Variants in CCDC8 observed in about 807,000 individuals in gnomAD.
The protein encoded by CCDC8 is coiled-coil domain containing 8 subunit of 3M complex, also known as coiled-coil domain-containing protein 8.
Under a neutral mutation model 5.2 loss-of-function variants are expected in CCDC8, and 6 were observed. That is an observed-to-expected ratio of 1.16 (90% CI 0.63 to 2.28). CCDC8 has a LOEUF of 2.28. CCDC8 is among the 30% of genes most tolerant of loss of function. CCDC8 has a pLI of 0.00. For synonymous variants in CCDC8, 310 were observed against 286.5 expected (o/e 1.08, Z -0.83); for missense variants, 724 against 712.2 (o/e 1.02, Z -0.19).
chr19:46,411,567 T>C lies in CCDC8; in HGVS notation c.1244A>G (p.Gln415Arg), dbSNP rs1973228838. 8 of 1,613,492 alleles carry C rather than the reference T, an allele frequency of 5.0e-6. No homozygotes were observed. Among genetic ancestry groups the C allele is most frequent in the Non-Finnish European group, 6.8e-6 (8 of 1,179,914 alleles). Reference sequence around the variant, plus strand: ...CTGGACAGCTGGGGCCCTTTCCCTCTGGTCATGTACGGCCTCTTCCCTTTG... The same window carrying C: ...CTGGACAGCTGGGGCCCTTTCCCTCCGGTCATGTACGGCCTCTTCCCTTTG... ...DNQREEAVHDQRERAPAVQGA... is the reference protein window; with the variant it reads ...DNQREEAVHDRRERAPAVQGA... The change falls in exon 1 of 1, where the codon CAG (glutamine) becomes CGG (arginine). Residue 415 changes from glutamine (Q) to arginine (R), a missense_variant. Transcript: ENST00000307522.
Position 46,411,208 on chromosome 19 carries a change from C to T in CCDC8, c.1603G>A (p.Glu535Lys). 1 of 1,614,134 alleles carries T rather than the reference C, an allele frequency of 6.2e-7. No individual in the cohort carries two copies. Among genetic ancestry groups the T allele is most frequent in the Non-Finnish European group, 8.5e-7 (1 of 1,180,038 alleles). The part of the protein sequence containing the change: ...ARAEAEQGEQ[E>K]DQL ...TAGCCCTCACCTCACAGCTGGTCTT[C>T]TTGCTCTCCCTGCTCAGCTTCTGCT... The change falls in exon 1 of 1, where the codon GAA (glutamate) becomes AAA (lysine). Residue 535 changes from glutamate to lysine, a missense_variant. By Grantham distance (56) the Glu-to-Lys change is moderately conservative. Coordinates refer to ENST00000307522, the MANE Select transcript of CCDC8 (RefSeq NM_032040.5).
chr19:46,412,476 G>T lies in CCDC8; in HGVS notation c.335C>A (p.Thr112Asn), dbSNP rs751418638. 1 of 1,609,444 alleles carries T rather than the reference G, an allele frequency of 6.2e-7. No homozygotes were observed. Among genetic ancestry groups the T allele is most frequent in the South Asian group, 1.1e-5 (1 of 91,070 alleles). The change falls in exon 1 of 1, where the codon ACC becomes AAC. Residue 112 changes from threonine to asparagine, a missense_variant. Thr to Asn is a moderately conservative substitution (Grantham distance 65). Coordinates refer to ENST00000307522, the MANE Select transcript of CCDC8 (RefSeq NM_032040.5). This position sits in a 1 kb window ranked among gnomAD's most constrained non-coding sequence, Gnocchi z 4.7. Reference sequence around the variant, plus strand: ...GCCCTGGCGGCTCTTGTCTCTGGAGGTCTCGAAGTCGCTGAACTCGCTGTC... The same window carrying T: ...GCCCTGGCGGCTCTTGTCTCTGGAGTTCTCGAAGTCGCTGAACTCGCTGTC... ...ASDSEFSDFE[T>N]SRDKSRQGPR...
rs1035071729 is a variant in CCDC8, at chr19:46,411,096, G to A, written c.*98C>T. ...ATAAAGAGGGTTGTTAGGTGGAGAC[G>A]TGGCCAGCACTCCACCTCCACTTTG... is the stretch of plus-strand genomic sequence containing the variant. On this transcript the variant is annotated 3_prime_UTR_variant, in exon 1 of 1. Coordinates refer to ENST00000307522, the MANE Select transcript of CCDC8 (RefSeq NM_032040.5). 1.6e-5 allele frequency: 23 copies of A among 1,401,614 alleles called. No individual in the cohort carries two copies. Among genetic ancestry groups the A allele is most frequent in the Middle Eastern group, 1.9e-4 (1 of 5,356 alleles). 86.8% of individuals were successfully genotyped at this position (1,401,614 alleles called of 1,614,324 possible). A position where few individuals can be genotyped will look rare whatever the true frequency, so the allele number is the denominator to read the frequency against.
In CCDC8 at chr19:46,411,510, G is replaced by C. The variant is rs1463400848; in HGVS notation, c.1301C>G (p.Ala434Gly). Residue 434 changes from alanine (A) to glycine (G), a missense_variant, in exon 1 of 1, where the codon GCT becomes GGT. Coordinates refer to ENST00000307522, the MANE Select transcript of CCDC8 (RefSeq NM_032040.5). ...GADNQRAQAR[A>G]GQRAEAAHNQ... ...ATGTGCAGCCTCTGCCCTCTGGCCAGCCCGGGCCTGTGCCCTCTGATTATC... is the reference window on the plus strand; with the variant it reads ...ATGTGCAGCCTCTGCCCTCTGGCCACCCCGGGCCTGTGCCCTCTGATTATC... 6.2e-7 allele frequency: 1 copy of C among 1,611,752 alleles called. No homozygotes were observed.
At position 46,411,587 on chromosome 19, in the gene CCDC8, C is replaced by A; in HGVS notation, c.1224G>T (p.Arg408Ser). The A allele has an allele frequency of 6.2e-7, 1 of 1,613,780 alleles. No homozygotes were observed. Among genetic ancestry groups the A allele is most frequent in the Non-Finnish European group, 8.5e-7 (1 of 1,179,978 alleles). ...CCCTCTGGTCATGTACGGCCTCTTCCCTTTGATTATCTGTAACCTCTGACC... is the reference window on the plus strand; with the variant it reads ...CCCTCTGGTCATGTACGGCCTCTTCACTTTGATTATCTGTAACCTCTGACC... Reference protein sequence around the residue: ...DQGSEVTDNQREEAVHDQRER... With the variant: ...DQGSEVTDNQSEEAVHDQRER... Residue 408 changes from arginine to serine, a missense_variant, in exon 1 of 1, where the codon AGG becomes AGT. Physicochemically the swap from Arg to Ser is moderately radical, Grantham distance 110 (BLOSUM62 -1). Coordinates refer to ENST00000307522, the MANE Select transcript of CCDC8 (RefSeq NM_032040.5).
rs1973240164 is a variant in CCDC8, at chr19:46,412,129, A to G, written c.682T>C (p.Ser228Pro). The change falls in exon 1 of 1, where the codon TCC becomes CCC. Residue 228 changes from serine to proline, a missense_variant. By Grantham distance (74) the Ser-to-Pro change is moderately conservative. Coordinates refer to ENST00000307522, the MANE Select transcript of CCDC8 (RefSeq NM_032040.5). The surrounding 1 kb of genome is among the most constrained non-coding windows in gnomAD (Gnocchi z 4.7). ...ACCCCTGCGCTCTCCACTGCGGTGG[A>G]GGCCAGCCGGGCCTCGCCCACCCCG... Reference protein sequence around the residue: ...GPGVGEARLASTAVESAGVSS... With the variant: ...GPGVGEARLAPTAVESAGVSS... 1 of 1,598,422 alleles carries G rather than the reference A, an allele frequency of 6.3e-7. No homozygotes were observed. Among genetic ancestry groups the G allele is most frequent in the Admixed American group, 1.7e-5 (1 of 59,972 alleles).
rs763386653 is a variant in CCDC8, at chr19:46,412,712, C to T, written c.99G>A (p.Lys33=). 8.7e-6 allele frequency: 14 copies of T among 1,613,332 alleles called. No homozygotes were observed. The highest frequency in any genetic ancestry group is 6.6e-5 in the South Asian group (6 of 91,080). ...TCAGCCGCTCCCGAAATTCTGCTTC[C>T]TTGGTGGCGGGCTTAGAGATGACTC... ...VWRVISKPAT[K]EAEFRERLTQ... Residue 33 remains lysine, a synonymous_variant, in exon 1 of 1, where the codon AAG becomes AAA. Coordinates refer to ENST00000307522, the MANE Select transcript of CCDC8 (RefSeq NM_032040.5). This position sits in a 1 kb window ranked among gnomAD's most constrained non-coding sequence, Gnocchi z 4.7.
chr19:46,412,530 A>G lies in CCDC8; in HGVS notation c.281T>C (p.Val94Ala). The change falls in exon 1 of 1, where the codon GTG (valine) becomes GCG (alanine). Residue 94 changes from valine (V) to alanine (A), a missense_variant. Val to Ala is a moderately conservative substitution (Grantham distance 64, BLOSUM62 0). Transcript: ENST00000307522. The surrounding 1 kb of genome is among the most constrained non-coding windows in gnomAD (Gnocchi z 4.7). ...GGCGTTGCTGCTGTCGTACGTGCCC[A>G]CGACCAGCCGGGGCGGAGGAGTCAC... Reference protein sequence around the residue: ...QMVTPPPRLVVGTYDSSNASD... With the variant: ...QMVTPPPRLVAGTYDSSNASD... The G allele has an allele frequency of 6.2e-7, 1 of 1,607,118 alleles. No individual in the cohort carries two copies. The highest frequency in any genetic ancestry group is 8.5e-7 in the Non-Finnish European group (1 of 1,179,648).
chr19:46,412,223 C>T lies in CCDC8; in HGVS notation c.588G>A (p.Glu196=), dbSNP rs770139152. ...TCCCCCAGGACACCTGGCTGACATA[C>T]TCCCGCCACCTGTCCGCTTTGGACA... The part of the protein sequence containing the change: ...PQLSKADRWR[E]YVSQVSWGKL... Residue 196 remains glutamate (E), a synonymous_variant, in exon 1 of 1, where the codon GAG becomes GAA. Coordinates refer to ENST00000307522, the MANE Select transcript of CCDC8 (RefSeq NM_032040.5). This position sits in a 1 kb window ranked among gnomAD's most constrained non-coding sequence, Gnocchi z 4.7. The T allele has an allele frequency of 1.2e-6, 2 of 1,600,054 alleles. No individual in the cohort carries two copies. Among genetic ancestry groups the T allele is most frequent in the Non-Finnish European group, 1.7e-6 (2 of 1,179,816 alleles).
At position 46,412,469 on chromosome 19, in the gene CCDC8, T is replaced by G; in HGVS notation, c.342A>C (p.Arg114Ser). ...DSEFSDFETSRDKSRQGPRRG... is the reference protein window; with the variant it reads ...DSEFSDFETSSDKSRQGPRRG... The stretch of plus-strand genomic sequence containing the variant: ...GCCGCGGGCCCTGGCGGCTCTTGTC[T>G]CTGGAGGTCTCGAAGTCGCTGAACT... The change falls in exon 1 of 1, where the codon AGA becomes AGC. Residue 114 changes from arginine (R) to serine (S), a missense_variant. Transcript: ENST00000307522. The surrounding 1 kb of genome is among the most constrained non-coding windows in gnomAD (Gnocchi z 4.7). 6.2e-7 allele frequency: 1 copy of G among 1,609,914 alleles called. No homozygotes were observed. The highest frequency in any genetic ancestry group is 8.5e-7 in the Non-Finnish European group (1 of 1,179,958).
chr19:46,412,167 G>A lies in CCDC8; in HGVS notation c.644C>T (p.Pro215Leu), dbSNP rs1473091544. The change falls in exon 1 of 1, where the codon CCG becomes CTG. Residue 215 changes from proline to leucine, a missense_variant. By Grantham distance (98) the Pro-to-Leu change is moderately conservative. Transcript: ENST00000307522. This position sits in a 1 kb window ranked among gnomAD's most constrained non-coding sequence, Gnocchi z 4.7. ...CTCGCCCACCCCGGGGCCCGCCCTCGGCGCCCAACCCTTCACCCTCCGCTT... is the reference window on the plus strand; with the variant it reads ...CTCGCCCACCCCGGGGCCCGCCCTCAGCGCCCAACCCTTCACCCTCCGCTT... ...KLKRRVKGWA[P>L]RAGPGVGEAR... 3 of 1,598,082 alleles carry A rather than the reference G, an allele frequency of 1.9e-6. No homozygotes were observed. The highest frequency in any genetic ancestry group is 2.5e-6 in the Non-Finnish European group (3 of 1,179,374).
Position 46,411,925 on chromosome 19 carries a change from C to A in CCDC8, c.886G>T (p.Gly296Trp), listed in dbSNP as rs11880658. The change falls in exon 1 of 1, where the codon GGG becomes TGG. Residue 296 changes from glycine (G) to tryptophan (W), a missense_variant. Transcript: ENST00000307522. ...GQGADIEADQ[G>W]GEAADSQREE... ...CTTTGACTATCTGCAGCCTCTCCCC[C>A]CTGATCAGCCTCGATGTCTGCCCCC... 2.5e-6 allele frequency: 4 copies of A among 1,611,910 alleles called. No individual in the cohort carries two copies. The highest frequency in any genetic ancestry group is 2.7e-5 in the African/African-American group (2 of 74,846).
chr19:46,411,603 A>ACCTCTGACC lies in CCDC8; in HGVS notation c.1199_1207dup (p.Gly400_Glu402dup). On this transcript the variant is annotated inframe_insertion, in exon 1 of 1. Transcript: ENST00000307522. ...GGCCTCTTCCCTTTGATTATCTGTA[A>ACCTCTGACC]CCTCTGACCCCTGGTCAGCTGGGGC... The ACCTCTGACC allele has an allele frequency of 6.2e-7, 1 of 1,610,662 alleles. No homozygotes were observed. The highest frequency in any genetic ancestry group is 8.5e-7 in the Non-Finnish European group (1 of 1,179,288).
At position 46,411,557 on chromosome 19, in the gene CCDC8, C is replaced by T. The variant is rs1305148913; in HGVS notation, c.1254G>A (p.Arg418=). Residue 418 remains arginine, a synonymous_variant, in exon 1 of 1, where the codon AGG becomes AGA. Transcript: ENST00000307522. ...REEAVHDQRE[R]APAVQGADNQ... The stretch of plus-strand genomic sequence containing the variant: ...TATCTGCACCCTGGACAGCTGGGGC[C>T]CTTTCCCTCTGGTCATGTACGGCCT... The T allele has an allele frequency of 6.2e-7, 1 of 1,612,366 alleles. No homozygotes were observed. The highest frequency in any genetic ancestry group is 2.2e-5 in the East Asian group (1 of 44,510).
At position 46,411,850 on chromosome 19, in the gene CCDC8, C is replaced by T; in HGVS notation, c.961G>A (p.Ala321Thr). 2 of 1,613,678 alleles carry T rather than the reference C, an allele frequency of 1.2e-6. No individual in the cohort carries two copies. The highest frequency in any genetic ancestry group is 1.7e-6 in the Non-Finnish European group (2 of 1,179,608). ...GCCCCCTGGTCAGCTGGGGCCCCTG[C>T]CCTCTGATTACCTGCAGCCCCTTCC... The part of the protein sequence containing the change: ...QREGAAGNQR[A>T]GAPADQGAEA... The change falls in exon 1 of 1, where the codon GCA becomes ACA. Residue 321 changes from alanine (A) to threonine (T), a missense_variant. Coordinates refer to ENST00000307522, the MANE Select transcript of CCDC8 (RefSeq NM_032040.5).
chr19:46,411,090 G>A lies in CCDC8; in HGVS notation c.*104C>T, dbSNP rs556811997. Reference sequence around the variant, plus strand: ...AAGAGAATAAAGAGGGTTGTTAGGTGGAGACGTGGCCAGCACTCCACCTCC... The same window carrying A: ...AAGAGAATAAAGAGGGTTGTTAGGTAGAGACGTGGCCAGCACTCCACCTCC... On this transcript the variant is annotated 3_prime_UTR_variant, in exon 1 of 1. Coordinates refer to ENST00000307522, the MANE Select transcript of CCDC8 (RefSeq NM_032040.5). The A allele has an allele frequency of 1.3e-5, 18 of 1,345,140 alleles. No homozygotes were observed. In the African/African-American group the frequency reaches 2.0e-4, roughly 15 times the overall value. 83.3% of individuals were successfully genotyped at this position (1,345,140 alleles called of 1,614,324 possible).
chr19:46,412,303 G>A lies in CCDC8; in HGVS notation c.508C>T (p.Arg170Cys). 1 of 1,609,368 alleles carries A rather than the reference G, an allele frequency of 6.2e-7. No homozygotes were observed. Among genetic ancestry groups the A allele is most frequent in the South Asian group, 1.1e-5 (1 of 91,080 alleles). ...GGCACTGGCAGGTTGACGCGGCGGC[G>A]GGCAGGCGGCGCGCTGGGCTGCTTC... ...QEKQPSAPPA[R>C]RRVNLPVPMF... The change falls in exon 1 of 1, where the codon CGC becomes TGC. Residue 170 changes from arginine to cysteine, a missense_variant. Physicochemically the swap from Arg to Cys is radical, Grantham distance 180. Transcript: ENST00000307522. The surrounding 1 kb of genome is among the most constrained non-coding windows in gnomAD (Gnocchi z 4.7).
In CCDC8 at chr19:46,412,432, C is replaced by T; in HGVS notation, c.379G>A (p.Val127Met). ...SRQGPRRGKK[V>M]RKMPVSYLGS... Reference sequence around the variant, plus strand: ...AGGTAGCTGACGGGCATTTTGCGCACCTTCTTGCCCCGCCGCGGGCCCTGG... The same window carrying T: ...AGGTAGCTGACGGGCATTTTGCGCATCTTCTTGCCCCGCCGCGGGCCCTGG... Residue 127 changes from valine to methionine, a missense_variant, in exon 1 of 1, where the codon GTG becomes ATG. Transcript: ENST00000307522. This position sits in a 1 kb window ranked among gnomAD's most constrained non-coding sequence, Gnocchi z 4.7. 1.2e-6 allele frequency: 2 copies of T among 1,612,514 alleles called. No homozygotes were observed. Among genetic ancestry groups the T allele is most frequent in the East Asian group, 2.2e-5 (1 of 44,864 alleles).
Position 46,411,188 on chromosome 19 carries a change from C to T in CCDC8, c.*6G>A. On this transcript the variant is annotated 3_prime_UTR_variant, in exon 1 of 1. Coordinates refer to ENST00000307522, the MANE Select transcript of CCDC8 (RefSeq NM_032040.5). ...GAGGGCCCGTGGGCTGTCTCTAGCC[C>T]TCACCTCACAGCTGGTCTTCTTGCT... is the stretch of plus-strand genomic sequence containing the variant. 2 of 1,613,976 alleles carry T rather than the reference C, an allele frequency of 1.2e-6. No homozygotes were observed. The highest frequency in any genetic ancestry group is 1.3e-5 in the African/African-American group (1 of 75,054).
Sources: gnomAD v4.1 joint callset for allele counts on GRCh38, gnomAD v4.1.1 for gene constraint, Gnocchi (gnomAD v3.1) non-coding constraint, MANE v1.5 for transcripts, NCBI Gene and HGNC (gene_info 2026-07-23, HGNC 2026-07-21) for gene names.